STRIP2: variants seen among roughly 807,000 people sequenced by gnomAD.
STRIP2 encodes the protein striatin-interacting protein 2.
Under a neutral mutation model 107.1 loss-of-function variants are expected in STRIP2, and 84 were observed. The ratio of observed to expected loss-of-function variants is 0.78; its 90% confidence interval spans 0.66 to 0.94. The LOEUF (loss-of-function observed/expected upper bound fraction) is 0.94. Among genes scored for constraint, STRIP2 ranks in the 40% least tolerant of loss-of-function variants. STRIP2 has a pLI of 0.00. For missense variants in STRIP2, 888 were observed against 1,034.2 expected (o/e 0.86, Z 1.94); for synonymous variants, 394 against 400.4 (o/e 0.98, Z 0.19).
At chr7:129,456,291 T>C (rs1798350803) in intron 8 of STRIP2, 148 bp from the exon 9 acceptor site, 2 of 667,860 alleles carry the variant, frequency 3.0e-6, no homozygotes, top group Admixed American at 5.6e-5. Flanking sequence ...TATTTGCCTC[T>C]TTATGTTTTA....
At chr7:129,444,593 A>G (rs962561269) in intron 3 of STRIP2, among the ~76,000 whole-genome samples, 4 of 152,204 alleles carry the variant, frequency 2.6e-5, no homozygotes, top group African/African-American at 7.2e-5. Flanking sequence ...CCCAGGATCA[A>G]TACTTTGTAT....
rs951367894 is a variant in STRIP2 at position 129,455,305 on chromosome 7, C to T, written c.768C>T (p.Phe256=). Residue 256 remains phenylalanine (F), a synonymous_variant, in exon 8 of 21, where the codon TTC becomes TTT. Coordinates refer to ENST00000249344, the MANE Select transcript of STRIP2 (RefSeq NM_020704.3). The part of the protein sequence containing the change: ...ALLLFSMVTK[F]CSGLAPHFPI... ...TACTCTTCTCCATGGTTACCAAGTT[C>T]TGCAGTGGCCTGGCTCCTCACTTCC... The T allele has an allele frequency of 8.1e-6, 13 of 1,613,906 alleles. No homozygotes were observed. The African/African-American group carries it at 1.7e-4, about 22-fold the overall frequency.
At chr7:129,453,486 A>T (rs1798255674) in intron 5 of STRIP2, 139 bp downstream of exon 5, 1 of 1,071,858 alleles carries the variant, frequency 9.3e-7, no homozygotes, top group Non-Finnish European at 1.3e-6. Flanking sequence ...AAGCTCATTG[A>T]CAGTTCCCCT....
rs913237983 is a variant in STRIP2, at chr7:129,455,229, T to C, written c.707-15T>C. The C allele has an allele frequency of 6.2e-7, 1 of 1,602,310 alleles. No homozygotes were observed. ...TCATCCTCACTTTCTCACTCCCCTC[T>C]CTCCTCACCCCTAGGCTTCTCCATG... On this transcript the variant is annotated splice_polypyrimidine_tract_variant and intron_variant, in intron 7 of 20. Coordinates refer to ENST00000249344, the MANE Select transcript of STRIP2 (RefSeq NM_020704.3).
intron 18 of STRIP2, chr7:129,478,120 G>T (rs1398319824): frequency 3.8e-6 from 1 of 265,218 alleles, no homozygotes. Context: ...TGGCTGTTCA[G>T]CAGAGAAATT....
At chr7:129,462,929 A>G (rs1332023956) in intron 13 of STRIP2, 37 bp from the exon 14 acceptor site, 1 of 1,586,284 alleles carries the variant, frequency 6.3e-7, no homozygotes, top group Non-Finnish European at 8.6e-7. Flanking sequence ...GGTCACCTGG[A>G]AAGTGGCATT....
At chr7:129,435,191 G>A (rs1455576181) in intron 1 of STRIP2, among the ~76,000 whole-genome samples, 1 of 152,222 alleles carries the variant, frequency 6.6e-6, no homozygotes, top group Non-Finnish European at 1.5e-5. Context: ...GAGCGAGACG[G>A]GATTCAGGCA....
chr7:129,468,186 AT>A (rs1392557436), intron 17 of STRIP2, among the ~76,000 whole-genome samples: 1 of 152,206 alleles, frequency 6.6e-6, no homozygotes, highest in Non-Finnish European at 1.5e-5. Context: ...AACTGGAAAT[AT>A]GTTAATCAGT....
chr7:129,453,107 CTA>C (rs2150996675), intron 4 of STRIP2, 118 bp from the exon 5 acceptor site: 1 of 1,425,340 alleles, frequency 7.0e-7, no homozygotes, highest in Admixed American at 2.0e-5. Flanking sequence ...CCTGTCATAC[CTA>C]TGTCAGCCTA....
intron 3 of STRIP2, among the ~76,000 whole-genome samples, chr7:129,448,828 A>G (rs553838923): frequency 7.6e-4 from 116 of 152,340 alleles, no homozygotes; most frequent in African/African-American, 2.7e-3. Context: ...TCCCACCATT[A>G]GCTCTGGCAT....
At chr7:129,451,470 T>G (rs1798190387) in intron 3 of STRIP2, 143 bp from the exon 4 acceptor site, 1 of 1,156,562 alleles carries the variant, frequency 8.6e-7, no homozygotes. Flanking sequence ...CATACCTTAT[T>G]CTTTCTCAGT....
intron 7 of STRIP2, 34 bp downstream of exon 7, chr7:129,454,561 G>T: frequency 7.4e-7 from 1 of 1,352,690 alleles, no homozygotes; most frequent in Non-Finnish European, 1.1e-6. Flanking sequence ...GTGTGGATGG[G>T]GTGCTAATGG....
Position 129,453,385 on chromosome 7 carries a change from C to T in STRIP2, c.530+38C>T, listed in dbSNP as rs148552347. 2.7e-5 allele frequency: 43 copies of T among 1,612,250 alleles called. No individual in the cohort carries two copies. The East Asian group carries it at 9.1e-4, about 34-fold the overall frequency. On this transcript the variant is annotated intron_variant, in intron 5 of 20. Transcript: ENST00000249344. ...AGGGGAAGGGCTGGCCTACATAACC[C>T]CCATTCCTTAAAGGGGCCTCATGTT... is the stretch of plus-strand genomic sequence containing the variant.
In STRIP2 at chr7:129,486,937, A is replaced by G. The variant is rs1484909683; in HGVS notation, c.*1108A>G. ...TATTTCTCTTTTACAGCAGAATCAC[A>G]TACTTCTCAAGATAAACAAGGTTTT... On this transcript the variant is annotated 3_prime_UTR_variant, in exon 21 of 21. Coordinates refer to ENST00000249344, the MANE Select transcript of STRIP2 (RefSeq NM_020704.3). 1 of 150,168 alleles carries G rather than the reference A, an allele frequency of 6.7e-6. No individual in the cohort carries two copies. Among genetic ancestry groups the G allele is most frequent in the Non-Finnish European group, 1.5e-5 (1 of 67,754 alleles). 9.3% of individuals were successfully genotyped at this position (150,168 alleles called of 1,614,324 possible). A position where few individuals can be genotyped will look rare whatever the true frequency, so the allele number is the denominator to read the frequency against.
intron 11 of STRIP2, 146 bp from the exon 12 acceptor site, chr7:129,459,370 AC>A: frequency 1.5e-6 from 1 of 679,610 alleles, no homozygotes; most frequent in South Asian, 1.8e-5. Context: ...CTGATGTGGG[AC>A]CTACGAGCTT....
At chr7:129,444,280 T>C (rs563963587) in intron 3 of STRIP2, among the ~76,000 whole-genome samples, 182 bp downstream of exon 3, 4 of 152,256 alleles carry the variant, frequency 2.6e-5, no homozygotes, top group African/African-American at 9.6e-5. Context: ...GTTTATTAAG[T>C]ATTAACTTAC....
chr7:129,464,497 A>G, intron 15 of STRIP2, 115 bp from the exon 16 acceptor site: 4 of 1,189,776 alleles, frequency 3.4e-6, no homozygotes, highest in Non-Finnish European at 4.8e-6. Flanking sequence ...CAGAAGTTCA[A>G]GTTTCCCAAG....
At chr7:129,442,012 G>C (rs1355281042) in intron 2 of STRIP2, among the ~76,000 whole-genome samples, 1 of 152,194 alleles carries the variant, frequency 6.6e-6, no homozygotes, top group Non-Finnish European at 1.5e-5. Context: ...TAGATCACCT[G>C]TCAGGAGTTC....
chr7:129,472,637 T>C (rs989925108), intron 18 of STRIP2, among the ~76,000 whole-genome samples: 4 of 152,070 alleles, frequency 2.6e-5, no homozygotes, highest in African/African-American at 9.7e-5. Context: ...GTATGGTTTA[T>C]CTAAACTGGT....
Sources: allele counts gnomAD v4.1 joint callset (sites outside exome capture counted in the v4.1 genomes callset), GRCh38; gene constraint gnomAD v4.1.1; transcripts MANE v1.5; gene names NCBI Gene and HGNC (gene_info 2026-07-23, HGNC 2026-07-21).